The following ACE variants were observed in gnomAD, a reference collection of about 807,000 sequenced individuals.
ACE encodes angiotensin I converting enzyme, also known as angiotensin-converting enzyme.
In ACE, 122 loss-of-function variants were observed where a neutral mutation model predicts 162.3. The ratio of observed to expected loss-of-function variants is 0.75; its 90% CI spans 0.65 to 0.87. The LOEUF is 0.87. Among genes scored for constraint, ACE ranks in the 40% least tolerant of loss-of-function variants. The pLI is 0.00. For missense variants in ACE, 1,799 were observed against 1,735.1 expected (o/e 1.04, Z -0.65); for synonymous variants, 796 against 720.6 (o/e 1.10, Z -1.68).
Position 63,496,941 on chromosome 17 carries a change from G to A in ACE, c.3647G>A (p.Gly1216Glu). 1 of 1,613,104 alleles carries A rather than the reference G, an allele frequency of 6.2e-7. No homozygotes were observed. The highest frequency in any genetic ancestry group is 1.3e-5 in the African/African-American group (1 of 75,040). Residue 1216 changes from glycine to glutamate, a missense_variant, in exon 24 of 25, where the codon GGG becomes GAG. Physicochemically the swap from Gly to Glu is moderately conservative, Grantham distance 98 (BLOSUM62 -2). Coordinates refer to ENST00000290866, the MANE Select transcript of ACE (RefSeq NM_000789.4). ...DWLRTENELHGEKLGWPQYNW... is the reference protein window; with the variant it reads ...DWLRTENELHEEKLGWPQYNW... ...CTCCGCACGGAGAACGAGCTGCATGGGGAGAAGCTGGGCTGGCCGCAGTAC... is the reference window on the plus strand; with the variant it reads ...CTCCGCACGGAGAACGAGCTGCATGAGGAGAAGCTGGGCTGGCCGCAGTAC...
At position 63,493,592 on chromosome 17, in the gene ACE, C is replaced by T; in HGVS notation, c.3069C>T (p.Ala1023=). The change falls in exon 20 of 25, where the codon GCC becomes GCT. Residue 1023 remains alanine, a synonymous_variant. Coordinates refer to ENST00000290866, the MANE Select transcript of ACE (RefSeq NM_000789.4). ...GFHEAIGDVL[A]LSVSTPKHLH... ...ATGAGGCCATTGGGGACGTGCTAGC[C>T]CTCTCAGTGTCTACGCCCAAGCACC... 1 of 1,614,154 alleles carries T rather than the reference C, an allele frequency of 6.2e-7. No individual in the cohort carries two copies.
At chr17:63,493,680 C>T (rs751122911) in intron 20 of ACE, 21 bp downstream of exon 20, 3 of 1,612,430 alleles carry the variant, frequency 1.9e-6, no homozygotes, top group South Asian at 1.1e-5. Context: ...AGCGGGAGGC[C>T]CTGGTGGGCT....
In ACE at chr17:63,481,538, C is replaced by A. The variant is rs531720555; in HGVS notation, c.946-28C>A. The A allele has an allele frequency of 2.5e-6, 4 of 1,612,824 alleles. No homozygotes were observed. The South Asian group carries it at 4.4e-5, about 18-fold the overall frequency. On this transcript the variant is annotated intron_variant, in intron 6 of 24. Transcript: ENST00000290866. The stretch of plus-strand genomic sequence containing the variant: ...CCAGGCCAGCCAGAGTGGGCTCCCC[C>A]TGACCTGGCTCCACACCCCTCCTCC...
intron 5 of ACE, among the ~76,000 whole-genome samples, chr17:63,480,774 GCCCTGGGT>G (rs1366295968): frequency 6.6e-6 from 1 of 152,244 alleles, no homozygotes; most frequent in African/African-American, 2.4e-5. Context: ...AAAGGCTCTG[GCCCTGGGT>G]CCAGTGGGGG....
intron 24 of ACE, 40 bp downstream of exon 24, chr17:63,497,025 C>A (rs1400253726): frequency 1.3e-6 from 2 of 1,595,258 alleles, no homozygotes; most frequent in Non-Finnish European, 1.7e-6. Context: ...GGGTCTTAAC[C>A]CCCTCCCCAG....
At position 63,488,681 on chromosome 17, in the gene ACE, A is replaced by G; in HGVS notation, c.2339A>G (p.Tyr780Cys). The change falls in exon 16 of 25, where the codon TAT becomes TGT. Residue 780 changes from tyrosine (Y) to cysteine (C), a missense_variant. Coordinates refer to ENST00000290866, the MANE Select transcript of ACE (RefSeq NM_000789.4). The part of the protein sequence containing the change: ...LTNVMATSRK[Y>C]EDLLWAWEGW... ...AATGTGATGGCCACGTCCCGGAAAT[A>G]TGAAGACCTGTTATGGGCATGGGAG... The G allele has an allele frequency of 1.2e-6, 2 of 1,613,462 alleles. No individual in the cohort carries two copies. Among genetic ancestry groups the G allele is most frequent in the African/African-American group, 2.7e-5 (2 of 74,824 alleles).
In ACE at chr17:63,480,412, A is replaced by T; in HGVS notation, c.731A>T (p.Tyr244Phe). Residue 244 changes from tyrosine (Y) to phenylalanine (F), a missense_variant, in exon 5 of 25, where the codon TAC (tyrosine) becomes TTC (phenylalanine). Tyr to Phe is a conservative substitution (Grantham distance 22, BLOSUM62 3). Coordinates refer to ENST00000290866, the MANE Select transcript of ACE (RefSeq NM_000789.4). ...TTCGAGGACGATCTGGAACACCTCT[A>T]CCAACAGCTAGAGCCCCTCTACCTG... The part of the protein sequence containing the change: ...PTFEDDLEHL[Y>F]QQLEPLYLNL... 1.9e-6 allele frequency: 3 copies of T among 1,614,052 alleles called. No individual in the cohort carries two copies. The highest frequency in any genetic ancestry group is 2.5e-6 in the Non-Finnish European group (3 of 1,180,000).
At chr17:63,478,767 G>C in intron 2 of ACE, 1 of 587,876 alleles carries the variant, frequency 1.7e-6, no homozygotes, top group Non-Finnish European at 3.1e-6. Flanking sequence ...GCTGGGACTT[G>C]ACCCTGACCC....
rs4362 is a variant in ACE at position 63,496,400 on chromosome 17, T to G, written c.3387T>G (p.Phe1129Leu). The G allele has an allele frequency of 3.7e-6, 6 of 1,613,990 alleles. No homozygotes were observed. The East Asian group carries it at 1.1e-4, about 30-fold the overall frequency. Residue 1129 changes from phenylalanine (F) to leucine (L), a missense_variant, in exon 23 of 25, where the codon TTT (phenylalanine) becomes TTG (leucine). Phe to Leu is a conservative substitution (Grantham distance 22, BLOSUM62 0). Transcript: ENST00000290866. Reference protein sequence around the residue: ...IPSSVPYIRYFVSFIIQFQFH... With the variant: ...IPSSVPYIRYLVSFIIQFQFH... ...CGGCCTCGCTCTGCTCCAGGTACTT[T>G]GTCAGCTTCATCATCCAGTTCCAGT...
Position 63,491,129 on chromosome 17 carries a change from G to A in ACE, c.2739+78G>A. ...TGATTCAGGAGTTCCCTCCAGTTTA[G>A]CCCTCCCCCGGGATCCCCACGGCAG... On this transcript the variant is annotated intron_variant, in intron 18 of 24. Transcript: ENST00000290866. This position sits in a 1 kb window ranked among gnomAD's most constrained non-coding sequence, Gnocchi z 4.4. 6.2e-7 allele frequency: 1 copy of A among 1,610,842 alleles called. No individual in the cohort carries two copies. Among genetic ancestry groups the A allele is most frequent in the Middle Eastern group, 1.7e-4 (1 of 5,822 alleles).
chr17:63,477,951 C>T lies in ACE; in HGVS notation c.270C>T (p.Ser90=), dbSNP rs754618480. The stretch of plus-strand genomic sequence containing the variant: ...AATAGGAGGAAGCAGCCCTGCTCAG[C>T]CAGGAGTTTGCGGAGGCCTGGGGCC... ...ARRQEEAALL[S]QEFAEAWGQK... Residue 90 remains serine, a synonymous_variant, in exon 2 of 25, where the codon AGC becomes AGT. Coordinates refer to ENST00000290866, the MANE Select transcript of ACE (RefSeq NM_000789.4). The T allele has an allele frequency of 6.2e-7, 1 of 1,611,834 alleles. No homozygotes were observed. Among genetic ancestry groups the T allele is most frequent in the Non-Finnish European group, 8.5e-7 (1 of 1,179,306 alleles).
At position 63,484,440 on chromosome 17, in the gene ACE, C is replaced by T. The variant is rs1477242406; in HGVS notation, c.1820C>T (p.Thr607Ile). ...QPLLKYFQPV[T>I]QWLQEQNQQN... Reference sequence around the variant, plus strand: ...CTGCTCAAGTACTTCCAGCCAGTCACCCAGTGGCTGCAGGAGCAGAACCAG... The same window carrying T: ...CTGCTCAAGTACTTCCAGCCAGTCATCCAGTGGCTGCAGGAGCAGAACCAG... Residue 607 changes from threonine to isoleucine, a missense_variant, in exon 12 of 25, where the codon ACC (threonine) becomes ATC (isoleucine). Transcript: ENST00000290866. The surrounding 1 kb of genome is among the most constrained non-coding windows in gnomAD (Gnocchi z 4.0). 1 of 1,612,624 alleles carries T rather than the reference C, an allele frequency of 6.2e-7. No individual in the cohort carries two copies. Among genetic ancestry groups the T allele is most frequent in the Non-Finnish European group, 8.5e-7 (1 of 1,179,936 alleles).
chr17:63,477,493 G>A, intron 1 of ACE, 150 bp downstream of exon 1: 1 of 536,666 alleles, frequency 1.9e-6, no homozygotes, highest in Non-Finnish European at 2.4e-6. Flanking sequence ...CGCGGGGCCC[G>A]AGCGCCGGGC....
intron 4 of ACE, 60 bp from the exon 5 acceptor site, chr17:63,480,277 C>A (rs34622905): frequency 1.3e-6 from 2 of 1,579,896 alleles, no homozygotes; most frequent in Non-Finnish European, 1.7e-6. Flanking sequence ...CGACTTACAG[C>A]TGAGAGGCTG....
Position 63,483,860 on chromosome 17 carries a change from G to A in ACE, c.1598G>A (p.Ser533Asn). 6.2e-7 allele frequency: 1 copy of A among 1,614,148 alleles called. No individual in the cohort carries two copies. The highest frequency in any genetic ancestry group is 8.5e-7 in the Non-Finnish European group (1 of 1,180,034). The change falls in exon 11 of 25, where the codon AGT becomes AAT. Residue 533 changes from serine (S) to asparagine (N), a missense_variant. Coordinates refer to ENST00000290866, the MANE Select transcript of ACE (RefSeq NM_000789.4). ...CCCTGTGCCTGCAGGTACTTTGTGA[G>A]TTTTGTCCTGCAGTTCCAGTTCCAT... ...NVTPYIRYFV[S>N]FVLQFQFHEA...
Position 63,496,978 on chromosome 17 carries a change from G to A in ACE, c.3684G>A (p.Pro1228=), listed in dbSNP as rs201117207. 570 of 1,610,124 alleles carry A rather than the reference G, an allele frequency of 3.5e-4. No homozygotes were observed. The South Asian group carries it at 5.9e-3, about 17-fold the overall frequency. Reference sequence around the variant, plus strand: ...GCTGGCCGCAGTACAACTGGACGCCGAACTCCGGTACCGCCACCCACCCCA... The same window carrying A: ...GCTGGCCGCAGTACAACTGGACGCCAAACTCCGGTACCGCCACCCACCCCA... ...KLGWPQYNWT[P]NSARSEGPLP... The change falls in exon 24 of 25, where the codon CCG becomes CCA. Residue 1228 remains proline, a synonymous_variant. Coordinates refer to ENST00000290866, the MANE Select transcript of ACE (RefSeq NM_000789.4).
At chr17:63,481,005 C>A (rs544238298) in intron 5 of ACE, 86 bp from the exon 6 acceptor site, 29 of 1,344,276 alleles carry the variant, frequency 2.2e-5, no homozygotes, top group Non-Finnish European at 2.9e-5. Context: ...GTACAGGTGC[C>A]GGCCCCAGGG....
chr17:63,493,767 G>T, intron 20 of ACE, 108 bp downstream of exon 20: 1 of 1,520,804 alleles, frequency 6.6e-7, no homozygotes, highest in Non-Finnish European at 9.0e-7. Context: ...GTGTGGGGCA[G>T]AGCAATCGGA....
At chr17:63,496,236 C>T in intron 22 of ACE, 158 bp from the exon 23 acceptor site, 15 of 1,083,690 alleles carry the variant, frequency 1.4e-5, no homozygotes, top group Non-Finnish European at 2.1e-5. Flanking sequence ...GGTGGGGGAG[C>T]TCACCCTGAT....
Sources: gnomAD v4.1 joint callset for allele counts (sites outside exome capture counted in the v4.1 genomes callset) on GRCh38, gnomAD v4.1.1 for gene constraint, Gnocchi (gnomAD v3.1) non-coding constraint, MANE v1.5 for transcripts, NCBI Gene and HGNC (gene_info 2026-07-23, HGNC 2026-07-21) for gene names.